Variants in IL1RAPL1 observed in about 807,000 individuals in gnomAD.
IL1RAPL1 encodes interleukin-1 receptor accessory protein-like 1.
IL1RAPL1 carries 3 observed loss-of-function variants against 48.4 expected under a neutral mutation model. The observed-to-expected ratio is 0.06, with a 90% CI of 0.03 to 0.16. The LOEUF (loss-of-function observed/expected upper bound fraction) is 0.16, where lower values mean the gene tolerates loss of function less well. Among genes scored for constraint, IL1RAPL1 ranks in the 10% least tolerant of loss-of-function variants. The pLI, the probability that IL1RAPL1 is intolerant of heterozygous loss-of-function variation, is 1.00. For missense variants in IL1RAPL1, 349 were observed against 530.6 expected, an observed-to-expected ratio of 0.66 and a Z score of 3.36; for synonymous variants, 185 against 187.7, an observed-to-expected ratio of 0.99 and a Z score of 0.12.
intron 5 of IL1RAPL1, among the ~76,000 whole-genome samples, chrX:29,648,691 A>C (rs985605179): frequency 1.8e-5 from 2 of 111,791 alleles, no homozygotes; most frequent in African/African-American, 3.2e-5. Flanking sequence ...AAAGAGAAAA[A>C]TCTTAAATAG....
chrX:29,751,705 A>G (rs769669119), intron 6 of IL1RAPL1, among the ~76,000 whole-genome samples: 1 of 109,502 alleles, frequency 9.1e-6, no homozygotes, highest in East Asian at 2.9e-4. Context: ...CCGAGGTGGG[A>G]AGATCACTTG....
chrX:29,694,535 G>T (rs191664442), intron 6 of IL1RAPL1, among the ~76,000 whole-genome samples: 21 of 111,354 alleles, frequency 1.9e-4, no homozygotes, highest in South Asian at 1.5e-3. Context: ...CATAGACTGG[G>T]TGGCTTATGA....
At chrX:29,645,978 C>T (rs1220653482) in intron 5 of IL1RAPL1, among the ~76,000 whole-genome samples, 1 of 111,924 alleles carries the variant, frequency 8.9e-6, no homozygotes, top group Non-Finnish European at 1.9e-5. Flanking sequence ...TCAGACAAAA[C>T]CAGATTGTGA....
intron 2 of IL1RAPL1, among the ~76,000 whole-genome samples, chrX:28,901,110 G>C (rs749128023): frequency 9.0e-6 from 1 of 111,525 alleles, no homozygotes; most frequent in Non-Finnish European, 1.9e-5. Flanking sequence ...ATGGACCATA[G>C]ATTATATCAG....
At chrX:28,959,356 A>G (rs1478675182) in intron 2 of IL1RAPL1, among the ~76,000 whole-genome samples, 1 of 111,384 alleles carries the variant, frequency 9.0e-6, no homozygotes. Context: ...TTTAAAATCA[A>G]TTATAAATGG....
intron 3 of IL1RAPL1, among the ~76,000 whole-genome samples, chrX:29,382,418 A>G (rs1157329880): frequency 8.9e-6 from 1 of 112,081 alleles, no homozygotes; most frequent in Non-Finnish European, 1.9e-5. Flanking sequence ...TAGTATTGAC[A>G]GAAAAGGAGT....
intron 2 of IL1RAPL1, among the ~76,000 whole-genome samples, chrX:29,173,871 T>C (rs1020328891): frequency 9.9e-5 from 11 of 111,440 alleles, no homozygotes. Flanking sequence ...CATATATGTA[T>C]TAAAAGGTCA....
In IL1RAPL1 at chrX:29,488,601, G is replaced by A. The variant is rs111907618; in HGVS notation, c.703+89293G>A. Among the ~76,000 whole-genome samples, 82 of 102,633 alleles carry A rather than the reference G, an allele frequency of 8.0e-4. 3 individuals carry two copies. Among genetic ancestry groups the A allele is most frequent in the African/African-American group, 3.1e-3 (72 of 23,017 alleles). The allele number at this position is 102,633 out of a possible 115,157, so 89.1% of individuals were successfully genotyped here. A position where few individuals can be genotyped will look rare whatever the true frequency, so the allele number is the denominator to read the frequency against. ...CATAACTATGAGAGGTGGTGCATAT[G>A]TAACTATGAGAGGTGGTGCATATAT... is the stretch of plus-strand genomic sequence containing the variant. On this transcript the variant is annotated intron_variant, in intron 5 of 10. Transcript: ENST00000378993.
Position 29,696,648 on chromosome X carries a change from G to A in IL1RAPL1, c.778+28144G>A, listed in dbSNP as rs185143211. ...CAGCTCTGATGCTCTTTCCAATATC[G>A]TTGCTTACCGCAGTTGGTCAACATG... On this transcript the variant is annotated intron_variant, in intron 6 of 10. Coordinates refer to ENST00000378993, the MANE Select transcript of IL1RAPL1 (RefSeq NM_014271.4). Among the ~76,000 whole-genome samples, 23 of 111,763 alleles carry A rather than the reference G, an allele frequency of 2.1e-4. No individual in the cohort carries two copies. In the East Asian group the frequency reaches 5.9e-3, roughly 29 times the overall value.
At chrX:29,406,601 G>A (rs1283323785) in intron 5 of IL1RAPL1, among the ~76,000 whole-genome samples, 16 of 111,782 alleles carry the variant, frequency 1.4e-4, no homozygotes, top group Non-Finnish European at 5.6e-5. Flanking sequence ...AAAGGCAAAA[G>A]CCGCAATTAC....
At chrX:29,067,463 A>T (rs775715050) in intron 2 of IL1RAPL1, among the ~76,000 whole-genome samples, 1 of 112,389 alleles carries the variant, frequency 8.9e-6, no homozygotes, top group East Asian at 2.8e-4. Context: ...GTTAAGCTAC[A>T]ACTGTTTCAT....
chrX:29,431,683 AT>A (rs955030676), intron 5 of IL1RAPL1, among the ~76,000 whole-genome samples: 6 of 111,164 alleles, frequency 5.4e-5, no homozygotes, highest in African/African-American at 2.0e-4. Flanking sequence ...AACCTCTGTA[AT>A]TTTTTTTCCC....
chrX:29,393,597 A>G (rs1303699666), intron 3 of IL1RAPL1, among the ~76,000 whole-genome samples: 2 of 111,627 alleles, frequency 1.8e-5, no homozygotes, highest in Non-Finnish European at 3.8e-5. Context: ...ACAGACAAAC[A>G]AAAGTAATCA....
At chrX:28,714,499 T>G (rs1316216038) in intron 1 of IL1RAPL1, among the ~76,000 whole-genome samples, 1 of 112,020 alleles carries the variant, frequency 8.9e-6, no homozygotes, top group Non-Finnish European at 1.9e-5. Flanking sequence ...GTCTTTATAA[T>G]GATATATCAT....
intron 1 of IL1RAPL1, among the ~76,000 whole-genome samples, chrX:28,740,411 T>G (rs1431720271): frequency 8.9e-6 from 1 of 112,132 alleles, no homozygotes; most frequent in Non-Finnish European, 1.9e-5. Flanking sequence ...TAGGCAAAAT[T>G]TATAAATCAT....
At chrX:29,449,780 C>CAGAGAGAG (rs59465141) in intron 5 of IL1RAPL1, among the ~76,000 whole-genome samples, 3,097 of 57,953 alleles carry the variant, frequency 0.053, 132 homozygotes, top group African/African-American at 0.12. Context: ...CACACACACA[C>CAGAGAGAG]AGAGAGAGAG....
chrX:29,889,355 T>C (rs1197718382), intron 6 of IL1RAPL1, among the ~76,000 whole-genome samples: 1 of 111,916 alleles, frequency 8.9e-6, no homozygotes, highest in East Asian at 2.8e-4. Context: ...TTTCCACCAG[T>C]TTGAAATTTG....
chrX:29,184,017 A>G (rs1188324896), intron 2 of IL1RAPL1, among the ~76,000 whole-genome samples: 1 of 112,258 alleles, frequency 8.9e-6, no homozygotes, highest in Admixed American at 9.4e-5. Flanking sequence ...AAACAAAACA[A>G]AACTTTTTCT....
chrX:29,926,333 A>G (rs941632885), intron 8 of IL1RAPL1, among the ~76,000 whole-genome samples: 1 of 112,081 alleles, frequency 8.9e-6, no homozygotes, highest in African/African-American at 3.2e-5. Flanking sequence ...GTGATCCTGG[A>G]CAAAACCAAT....
Sources: allele counts gnomAD v4.1 joint callset (sites outside exome capture counted in the v4.1 genomes callset), GRCh38; gene constraint gnomAD v4.1.1; transcripts MANE v1.5; gene names NCBI Gene and HGNC (gene_info 2026-07-23, HGNC 2026-07-21).